The following KHDRBS3 variants were observed in gnomAD, a reference collection of about 807,000 sequenced individuals.
The protein encoded by KHDRBS3 is KH RNA binding domain containing, signal transduction associated 3.
A neutral mutation model predicts 45.6 loss-of-function variants in KHDRBS3; 23 were observed. That is an observed-to-expected ratio of 0.50 (90% CI 0.36 to 0.72). The LOEUF is 0.72. Ranked by LOEUF, KHDRBS3 falls within the 30% of genes least tolerant of loss-of-function variation. The pLI, the probability that KHDRBS3 is intolerant of heterozygous loss-of-function variation, is 0.00. For synonymous variants in KHDRBS3, 162 were observed against 156.5 expected (o/e 1.04, Z -0.26); for missense variants, 352 against 424.8 (o/e 0.83, Z 1.51).
intron 1 of KHDRBS3, among the ~76,000 whole-genome samples, chr8:135,520,833 T>C (rs1294264357): frequency 6.6e-6 from 1 of 152,224 alleles, no homozygotes; most frequent in East Asian, 1.9e-4. Flanking sequence ...TTCTTGGTTG[T>C]AGAAGCCTTG....
intron 5 of KHDRBS3, among the ~76,000 whole-genome samples, chr8:135,580,428 A>G (rs1229024491): frequency 1.3e-5 from 2 of 152,186 alleles, no homozygotes; most frequent in Admixed American, 6.5e-5. Flanking sequence ...TATTTAATAG[A>G]CATAAGCCCA....
rs145493706 is a variant in KHDRBS3, at chr8:135,557,730, G to A, written c.611+143G>A. ...CACATGCCTGTAGTCCCAGCTACTCGGGAATCTGAGGCCAGGAGTTCGAGG... is the reference window on the plus strand; with the variant it reads ...CACATGCCTGTAGTCCCAGCTACTCAGGAATCTGAGGCCAGGAGTTCGAGG... On this transcript the variant is annotated intron_variant, in intron 5 of 8. Coordinates refer to ENST00000355849, the MANE Select transcript of KHDRBS3 (RefSeq NM_006558.3). The A allele has an allele frequency of 1.6e-3, 1,033 of 656,532 alleles. 8 individuals are homozygous for A. The African/African-American group carries it at 0.016, about 10-fold the overall frequency. 40.7% of individuals were successfully genotyped at this position (656,532 alleles called of 1,614,324 possible).
chr8:135,562,430 G>C (rs1227590636), intron 5 of KHDRBS3, among the ~76,000 whole-genome samples: 1 of 152,174 alleles, frequency 6.6e-6, no homozygotes, highest in African/African-American at 2.4e-5. Context: ...ACGCCACCTA[G>C]GTTTATGTAA....
At chr8:135,612,666 A>G (rs1586803984) in intron 7 of KHDRBS3, among the ~76,000 whole-genome samples, 2 of 152,016 alleles carry the variant, frequency 1.3e-5, no homozygotes, top group South Asian at 4.1e-4. Flanking sequence ...GTATTAGTGA[A>G]GAATTCTTCA....
At chr8:135,614,262 G>A (rs1395063672) in intron 7 of KHDRBS3, among the ~76,000 whole-genome samples, 6 of 151,796 alleles carry the variant, frequency 4.0e-5, no homozygotes. Flanking sequence ...CTTCGGAATA[G>A]CTAGTATAGT....
intron 6 of KHDRBS3, among the ~76,000 whole-genome samples, chr8:135,587,662 C>A (rs1828542978): frequency 6.6e-6 from 1 of 152,114 alleles, no homozygotes; most frequent in Admixed American, 6.5e-5. Context: ...ATTAGGATAA[C>A]CCAGTACACA....
At chr8:135,638,319 C>A (rs1383270533) in intron 7 of KHDRBS3, among the ~76,000 whole-genome samples, 2 of 152,114 alleles carry the variant, frequency 1.3e-5, no homozygotes, top group Admixed American at 6.5e-5. Context: ...TCTGGAGGAC[C>A]CAGGAGCCCC....
intron 5 of KHDRBS3, among the ~76,000 whole-genome samples, chr8:135,570,805 G>T (rs972507699): frequency 2.0e-5 from 3 of 152,138 alleles, no homozygotes; most frequent in Admixed American, 2.0e-4. Context: ...GAGTTTCTGT[G>T]CTTTTTCTTG....
intron 1 of KHDRBS3, among the ~76,000 whole-genome samples, chr8:135,482,124 A>G (rs978399001): frequency 7.2e-5 from 11 of 152,198 alleles, no homozygotes; most frequent in African/African-American, 2.7e-4. Context: ...AGAATTTGGA[A>G]AAGCTGTTGG....
chr8:135,557,370 A>G (rs1826939240), intron 4 of KHDRBS3, 78 bp from the exon 5 acceptor site: 1 of 793,464 alleles, frequency 1.3e-6, no homozygotes, highest in East Asian at 3.0e-5. Flanking sequence ...TTCTATTAAG[A>G]ATTACTTGCT....
chr8:135,524,128 G>T (rs1825057633), intron 2 of KHDRBS3, among the ~76,000 whole-genome samples: 1 of 151,966 alleles, frequency 6.6e-6, no homozygotes, highest in Non-Finnish European at 1.5e-5. Context: ...TGATTCTCAT[G>T]CCCCAGTCTC....
intron 6 of KHDRBS3, among the ~76,000 whole-genome samples, chr8:135,592,515 C>G (rs963022982): frequency 6.6e-6 from 1 of 152,138 alleles, no homozygotes; most frequent in African/African-American, 2.4e-5. Context: ...GGACTATCTG[C>G]AAGAACCTGC....
chr8:135,457,971 T>G lies in KHDRBS3; in HGVS notation c.88+17T>G, dbSNP rs1251402049. The G allele has an allele frequency of 6.3e-7, 1 of 1,577,526 alleles. No homozygotes were observed. Among genetic ancestry groups the G allele is most frequent in the African/African-American group, 1.4e-5 (1 of 72,916 alleles). On this transcript the variant is annotated intron_variant, in intron 1 of 8. Transcript: ENST00000355849. The surrounding 1 kb of genome is among the most constrained non-coding windows in gnomAD (Gnocchi z 4.4). ...TGAACCAAGGTGAGGCGCCGGCCGT[T>G]AACTGCCGGCCGGCGGCGGTTGGGG...
At chr8:135,573,484 TG>T (rs942033618) in intron 5 of KHDRBS3, among the ~76,000 whole-genome samples, 3 of 152,210 alleles carry the variant, frequency 2.0e-5, no homozygotes, top group African/African-American at 7.2e-5. Flanking sequence ...ACTACATGCC[TG>T]TTTTAGGCTA....
chr8:135,471,979 C>T (rs1444829635), intron 1 of KHDRBS3, among the ~76,000 whole-genome samples: 1 of 152,158 alleles, frequency 6.6e-6, no homozygotes, highest in Non-Finnish European at 1.5e-5. Flanking sequence ...CTCCAGTGCT[C>T]AGCGTGGTGC....
intron 1 of KHDRBS3, among the ~76,000 whole-genome samples, chr8:135,474,196 A>AT (rs1822155606): frequency 1.3e-5 from 2 of 152,182 alleles, no homozygotes; most frequent in Admixed American, 6.5e-5. Context: ...AATCTTTATA[A>AT]ACTTTCCTAA....
intron 4 of KHDRBS3, chr8:135,656,162 A>G (rs1385265917): frequency 6.6e-6 from 1 of 152,232 alleles, no homozygotes; most frequent in African/African-American, 2.4e-5. Context: ...CATTCCCAAC[A>G]GAGCATATGG....
intron 1 of KHDRBS3, among the ~76,000 whole-genome samples, chr8:135,488,052 T>C (rs1234332769): frequency 1.3e-5 from 2 of 152,264 alleles, no homozygotes; most frequent in Non-Finnish European, 2.9e-5. Flanking sequence ...TATGTCTATA[T>C]ACATGTGTAT....
chr8:135,628,143 T>C (rs1474219155), intron 7 of KHDRBS3, among the ~76,000 whole-genome samples: 1 of 152,068 alleles, frequency 6.6e-6, no homozygotes, highest in Admixed American at 6.6e-5. Flanking sequence ...TCTTCTCATG[T>C]CCCCCAAAAC....
Sources: gnomAD v4.1 joint callset for allele counts (sites outside exome capture counted in the v4.1 genomes callset) on GRCh38, gnomAD v4.1.1 for gene constraint, Gnocchi (gnomAD v3.1) non-coding constraint, MANE v1.5 for transcripts, NCBI Gene and HGNC (gene_info 2026-07-23, HGNC 2026-07-21) for gene names.